The following SETBP1 variants were observed in gnomAD, a reference collection of about 807,000 sequenced individuals.
The protein encoded by SETBP1 is SET binding protein 1, also known as SET-binding protein.
SETBP1 carries 9 observed loss-of-function variants against 101.0 expected under a neutral mutation model. The observed-to-expected ratio is 0.09, with a 90% confidence interval of 0.05 to 0.16. SETBP1 has a LOEUF of 0.16. Among genes scored for constraint, SETBP1 ranks in the 10% least tolerant of loss-of-function variants. The pLI, the probability that SETBP1 is intolerant of heterozygous loss-of-function variation, is 1.00. For missense variants in SETBP1, 1,858 were observed against 2,033.8 expected (o/e 0.91, Z 1.66); for synonymous variants, 818 against 788.5 (o/e 1.04, Z -0.63).
chr18:45,056,320 C>T (rs1421219658), intron 5 of SETBP1, among the ~76,000 whole-genome samples: 1 of 152,126 alleles, frequency 6.6e-6, no homozygotes, highest in African/African-American at 2.4e-5. Flanking sequence ...ATATGGGACA[C>T]TGACAGCACC....
At chr18:45,010,383 G>C (rs1568026047) in intron 4 of SETBP1, among the ~76,000 whole-genome samples, 1 of 152,166 alleles carries the variant, frequency 6.6e-6, no homozygotes, top group Non-Finnish European at 1.5e-5. Context: ...ATAATCCCCA[G>C]TTACTTTTGT....
At chr18:44,761,135 A>G (rs1332724951) in intron 2 of SETBP1, among the ~76,000 whole-genome samples, 2 of 152,222 alleles carry the variant, frequency 1.3e-5, no homozygotes, top group African/African-American at 4.8e-5. Flanking sequence ...ATTTTTAAAA[A>G]ATTTATAATT....
chr18:44,683,212 G>T (rs1236796178), intron 1 of SETBP1, among the ~76,000 whole-genome samples: 1 of 152,198 alleles, frequency 6.6e-6, no homozygotes, highest in African/African-American at 2.4e-5. Flanking sequence ...TCTGCTGGAA[G>T]GCCCAGTTTT....
chr18:45,020,258 T>TAAAAAAAAAAAAAAAAAAA (rs57134217), intron 4 of SETBP1, among the ~76,000 whole-genome samples: 1 of 53,086 alleles, frequency 1.9e-5, no homozygotes, highest in African/African-American at 7.4e-5. Flanking sequence ...GACTCTGTCT[T>TAAAAAAAAAAAAAAAAAAA]AAAAAAAAAA....
At chr18:45,002,029 G>A (rs1420606555) in intron 4 of SETBP1, among the ~76,000 whole-genome samples, 2 of 151,996 alleles carry the variant, frequency 1.3e-5, no homozygotes, top group East Asian at 1.9e-4. Context: ...CCACAGATCC[G>A]AAAAGTCTGG....
At chr18:44,737,364 C>A (rs1209615849) in intron 2 of SETBP1, among the ~76,000 whole-genome samples, 1 of 152,154 alleles carries the variant, frequency 6.6e-6, no homozygotes, top group Non-Finnish European at 1.5e-5. Flanking sequence ...TATTTGGTTA[C>A]CTGCCCTGGG....
At chr18:44,896,088 G>C (rs548125860) in intron 3 of SETBP1, among the ~76,000 whole-genome samples, 1 of 152,214 alleles carries the variant, frequency 6.6e-6, no homozygotes, top group African/African-American at 2.4e-5. Context: ...TGTAACATTT[G>C]ATCCTCTTAA....
At chr18:44,997,602 T>C (rs1328248200) in intron 4 of SETBP1, among the ~76,000 whole-genome samples, 2 of 152,200 alleles carry the variant, frequency 1.3e-5, no homozygotes, top group Non-Finnish European at 2.9e-5. Flanking sequence ...TTAGTGTAAA[T>C]TGGAAATGGA....
chr18:44,723,682 C>A, intron 2 of SETBP1, among the ~76,000 whole-genome samples: 1 of 152,182 alleles, frequency 6.6e-6, no homozygotes, highest in East Asian at 1.9e-4. Context: ...ACCTACCACG[C>A]CTTTGCCCAG....
At position 44,950,480 on chromosome 18, in the gene SETBP1, A is replaced by C. The variant is rs915310727; in HGVS notation, c.1140A>C (p.Ala380=). 4.0e-5 allele frequency: 64 copies of C among 1,614,070 alleles called. No individual in the cohort carries two copies. Among genetic ancestry groups the C allele is most frequent in the Non-Finnish European group, 5.2e-5 (61 of 1,180,048 alleles). ...EGYSADSAQE[A]SPARQNVSSA... ...ATTCCGCAGATAGTGCCCAAGAGGC[A>C]TCACCAGCCAGGCAGAACGTGAGTT... Residue 380 remains alanine (A), a synonymous_variant, in exon 4 of 6, where the codon GCA becomes GCC. Transcript: ENST00000649279.
intron 4 of SETBP1, among the ~76,000 whole-genome samples, chr18:44,985,916 A>G (rs976412480): frequency 1.3e-4 from 20 of 152,228 alleles, no homozygotes; most frequent in African/African-American, 3.9e-4. Flanking sequence ...AGAGTACTCA[A>G]TACTCCACTA....
intron 4 of SETBP1, among the ~76,000 whole-genome samples, chr18:45,026,834 G>A (rs773759378): frequency 7.9e-5 from 12 of 152,114 alleles, no homozygotes; most frequent in Non-Finnish European, 1.2e-4. Context: ...ACACACGTGT[G>A]TATGTGCGTG....
At chr18:45,054,005 G>A (rs545346499) in intron 5 of SETBP1, among the ~76,000 whole-genome samples, 61 of 152,254 alleles carry the variant, frequency 4.0e-4, no homozygotes, top group Non-Finnish European at 8.1e-4. Context: ...AAACTTTTTG[G>A]CGTTAACTAC....
intron 2 of SETBP1, among the ~76,000 whole-genome samples, chr18:44,810,415 G>A (rs1289097877): frequency 6.6e-6 from 1 of 152,186 alleles, no homozygotes; most frequent in African/African-American, 2.4e-5. Context: ...AATACAGATG[G>A]AGGGTTGGTA....
At chr18:44,972,275 G>A (rs1211794037) in intron 4 of SETBP1, among the ~76,000 whole-genome samples, 1 of 152,192 alleles carries the variant, frequency 6.6e-6, no homozygotes, top group Non-Finnish European at 1.5e-5. Flanking sequence ...TTTGGTTACT[G>A]TAGCCTTGCA....
chr18:44,921,461 G>A (rs866083577), intron 3 of SETBP1, among the ~76,000 whole-genome samples: 7 of 152,186 alleles, frequency 4.6e-5, no homozygotes, highest in Non-Finnish European at 8.8e-5. Context: ...CATCCATGTT[G>A]GAGAGGCTAA....
Position 44,950,641 on chromosome 18 carries a change from A to G in SETBP1, c.1301A>G (p.Glu434Gly), listed in dbSNP as rs2071323020. The change falls in exon 4 of 6, where the codon GAG becomes GGG. Residue 434 changes from glutamate to glycine, a missense_variant. Physicochemically the swap from Glu to Gly is moderately conservative, Grantham distance 98 (BLOSUM62 -2). Transcript: ENST00000649279. ...IKAVVEKIMPEKALASGITMS... is the reference protein window; with the variant it reads ...IKAVVEKIMPGKALASGITMS... Reference sequence around the variant, plus strand: ...GCGGTGGTGGAAAAGATCATGCCAGAGAAAGCCTTGGCTTCTGGAATCACC... The same window carrying G: ...GCGGTGGTGGAAAAGATCATGCCAGGGAAAGCCTTGGCTTCTGGAATCACC... 1 of 1,614,062 alleles carries G rather than the reference A, an allele frequency of 6.2e-7. No individual in the cohort carries two copies.
intron 4 of SETBP1, among the ~76,000 whole-genome samples, chr18:45,019,416 A>G (rs113388246): frequency 0.03 from 4,622 of 152,306 alleles, 214 homozygotes; most frequent in African/African-American, 0.11. Flanking sequence ...GAATGGCTAA[A>G]TCGAGCTAAT....
At chr18:44,732,547 C>A (rs187816001) in intron 2 of SETBP1, 1 of 152,344 alleles carries the variant, frequency 6.6e-6, no homozygotes, top group Admixed American at 6.5e-5. Flanking sequence ...TTTATTTAGA[C>A]CCTTCTGCCG....
Sources: allele counts gnomAD v4.1 joint callset (sites outside exome capture counted in the v4.1 genomes callset), GRCh38; gene constraint gnomAD v4.1.1; transcripts MANE v1.5; gene names NCBI Gene and HGNC (gene_info 2026-07-23, HGNC 2026-07-21).